IPO11: variants seen among roughly 807,000 people sequenced by gnomAD.
IPO11 encodes importin 11, also known as importin-11.
In IPO11, 66 loss-of-function variants were observed where a neutral mutation model predicts 143.2. That is an observed-to-expected ratio of 0.46 (90% CI 0.38 to 0.57). The LOEUF is 0.57. Ranked by LOEUF, IPO11 falls within the 20% of genes least tolerant of loss-of-function variation. The pLI, the probability that IPO11 is intolerant of heterozygous loss-of-function variation, is 0.00. For missense variants in IPO11, 1,026 were observed against 1,141.0 expected (o/e 0.90, Z 1.45); for synonymous variants, 385 against 377.8 (o/e 1.02, Z -0.22).
chr5:62,423,884 G>A (rs1743604387), intron 1 of IPO11, among the ~76,000 whole-genome samples: 1 of 152,056 alleles, frequency 6.6e-6, no homozygotes, highest in Non-Finnish European at 1.5e-5. Flanking sequence ...TTTCTTTCTT[G>A]TCTTTGGCAT....
chr5:62,484,070 C>T lies in IPO11; in HGVS notation c.1082C>T (p.Thr361Ile), dbSNP rs1230580124. The T allele has an allele frequency of 6.2e-7, 1 of 1,608,538 alleles. No individual in the cohort carries two copies. Among genetic ancestry groups the T allele is most frequent in the South Asian group, 1.1e-5 (1 of 90,192 alleles). The stretch of plus-strand genomic sequence containing the variant: ...AAGATGGCATTCTTCACATATCCTA[C>T]TTTGACAGAGATATGTAGAAGATTA... ...KIKMAFFTYPTLTEICRRLVS... is the reference protein window; with the variant it reads ...KIKMAFFTYPILTEICRRLVS... Residue 361 changes from threonine (T) to isoleucine (I), a missense_variant, in exon 11 of 30, where the codon ACT becomes ATT. By Grantham distance (89) the Thr-to-Ile change is moderately conservative (BLOSUM62 -1). Around this residue, in one of 5 missense-constraint regions of IPO11, gnomAD observed 429 missense variants for 456.3 expected, o/e 0.94. Transcript: ENST00000325324.
chr5:62,527,058 A>G (rs995545153), intron 21 of IPO11, among the ~76,000 whole-genome samples: 1 of 152,134 alleles, frequency 6.6e-6, no homozygotes, highest in Non-Finnish European at 1.5e-5. Flanking sequence ...GGTGCAAATT[A>G]TAAATAATGA....
At chr5:62,559,925 AAAAAAAAAAAAAAAAAAG>A (rs1407865016) in intron 26 of IPO11, among the ~76,000 whole-genome samples, 2 of 142,600 alleles carry the variant, frequency 1.4e-5, no homozygotes, top group Non-Finnish European at 3.1e-5. Flanking sequence ...TCAAAAAAAA[AAAAAAAAAAAAAAAAAAG>A]AGAGAGAAAA....
intron 1 of IPO11, among the ~76,000 whole-genome samples, chr5:62,436,849 C>G (rs545949534): frequency 2.0e-5 from 3 of 152,282 alleles, no homozygotes; most frequent in Middle Eastern, 3.4e-3. Context: ...CTGATTTTGT[C>G]AAGGATAAAG....
At position 62,467,267 on chromosome 5, in the gene IPO11, C is replaced by A. The variant is rs776903274; in HGVS notation, c.649+4C>A. On this transcript the variant is annotated splice_donor_region_variant and intron_variant, in intron 6 of 29. Transcript: ENST00000325324. ...CGAACACTGCTATCATTGAAAGGTA[C>A]TATTAAGCTTGATATGTTCATTTTT... is the stretch of plus-strand genomic sequence containing the variant. The A allele has an allele frequency of 1.2e-6, 2 of 1,609,510 alleles. No homozygotes were observed. The highest frequency in any genetic ancestry group is 1.7e-6 in the Non-Finnish European group (2 of 1,178,622).
Position 62,465,382 on chromosome 5 carries a change from A to G in IPO11, c.517-1749A>G, listed in dbSNP as rs986824390. 3.3e-5 allele frequency among the ~76,000 whole-genome samples: 5 copies of G among 152,348 alleles called. No individual in the cohort carries two copies. In the East Asian group the frequency reaches 9.6e-4, roughly 29 times the overall value. Reference sequence around the variant, plus strand: ...ACTAAGAAAAATACGAATTCATTTTATGGTTTACTGAAGTTATAAGTAAAG... The same window carrying G: ...ACTAAGAAAAATACGAATTCATTTTGTGGTTTACTGAAGTTATAAGTAAAG... On this transcript the variant is annotated intron_variant, in intron 5 of 29. Coordinates refer to ENST00000325324, the MANE Select transcript of IPO11 (RefSeq NM_016338.5).
At chr5:62,623,918 C>T (rs1381008062) in intron 29 of IPO11, among the ~76,000 whole-genome samples, 3 of 152,068 alleles carry the variant, frequency 2.0e-5, no homozygotes, top group South Asian at 2.1e-4. Flanking sequence ...CCACAATGCC[C>T]GGCCTTTTAT....
At chr5:62,553,351 T>A (rs908817277) in intron 26 of IPO11, among the ~76,000 whole-genome samples, 1 of 151,512 alleles carries the variant, frequency 6.6e-6, no homozygotes, top group Non-Finnish European at 1.5e-5. Context: ...TGTGTGTGTG[T>A]GTGTGTGTGT....
chr5:62,557,628 A>G (rs1467629480), intron 26 of IPO11, among the ~76,000 whole-genome samples: 1 of 152,248 alleles, frequency 6.6e-6, no homozygotes, highest in Non-Finnish European at 1.5e-5. Flanking sequence ...GAGCTAATCC[A>G]GATCTTACAA....
intron 27 of IPO11, among the ~76,000 whole-genome samples, chr5:62,570,687 A>G (rs568257758): frequency 1.3e-5 from 2 of 152,182 alleles, no homozygotes; most frequent in Non-Finnish European, 2.9e-5. Context: ...ATTTGATACT[A>G]CGTTCTCAAT....
chr5:62,450,981 A>G (rs1744904528), intron 4 of IPO11, among the ~76,000 whole-genome samples: 1 of 152,174 alleles, frequency 6.6e-6, no homozygotes, highest in Admixed American at 6.5e-5. Flanking sequence ...TTCTTGACAA[A>G]GGAGCTGAAG....
intron 6 of IPO11, among the ~76,000 whole-genome samples, chr5:62,467,478 A>T (rs1745612228): frequency 6.6e-6 from 1 of 152,158 alleles, no homozygotes; most frequent in Admixed American, 6.5e-5. Flanking sequence ...GTTGAAGTGG[A>T]TAGTTAGATT....
intron 27 of IPO11, among the ~76,000 whole-genome samples, chr5:62,563,652 AATTT>A (rs1167667519): frequency 6.6e-6 from 1 of 152,162 alleles, no homozygotes; most frequent in African/African-American, 2.4e-5. Flanking sequence ...CTAAATGTGA[AATTT>A]ATTTATATTT....
chr5:62,506,213 TTTTTA>T, intron 18 of IPO11, 23 bp from the exon 19 acceptor site: 1 of 1,296,212 alleles, frequency 7.7e-7, no homozygotes, highest in Non-Finnish European at 1.1e-6. Context: ...TTATAAACCT[TTTTTA>T]TTTTCTTTCT....
intron 26 of IPO11, among the ~76,000 whole-genome samples, chr5:62,551,854 G>A (rs988954815): frequency 8.5e-5 from 13 of 152,122 alleles, no homozygotes; most frequent in African/African-American, 2.4e-4. Context: ...GGCCAGGTGC[G>A]GTGGCTCACG....
rs1273105904 is a variant in IPO11 at position 62,530,686 on chromosome 5, AATC to A, written c.2013-19_2013-17del. 18 of 1,539,570 alleles carry A rather than the reference AATC, an allele frequency of 1.2e-5. No individual in the cohort carries two copies. Among genetic ancestry groups the A allele is most frequent in the Non-Finnish European group, 1.6e-5 (18 of 1,113,410 alleles). On this transcript the variant is annotated intron_variant, in intron 21 of 29. Coordinates refer to ENST00000325324, the MANE Select transcript of IPO11 (RefSeq NM_016338.5). Reference sequence around the variant, plus strand: ...CTTTAATGGGCATGGAAAGTGGTTTAATCATCTGTTTTTCCTTCCTAGGTTAGT... The same window carrying A: ...CTTTAATGGGCATGGAAAGTGGTTTAATCTGTTTTTCCTTCCTAGGTTAGT...
At chr5:62,430,983 C>G (rs1224843607) in intron 1 of IPO11, among the ~76,000 whole-genome samples, 1 of 150,482 alleles carries the variant, frequency 6.6e-6, no homozygotes, top group African/African-American at 2.4e-5. Context: ...CGTGCCTGGC[C>G]TTATTTTATT....
intron 27 of IPO11, among the ~76,000 whole-genome samples, chr5:62,568,648 G>A (rs1744038424): frequency 6.8e-6 from 1 of 146,662 alleles, no homozygotes; most frequent in Non-Finnish European, 1.5e-5. Context: ...GATTTTCTGT[G>A]TTTTCTCGAA....
intron 29 of IPO11, among the ~76,000 whole-genome samples, chr5:62,620,018 A>G (rs1746288256): frequency 6.6e-6 from 1 of 152,120 alleles, no homozygotes; most frequent in African/African-American, 2.4e-5. Flanking sequence ...GTGGGTCTTG[A>G]AATCCGCAGT....
Sources: gnomAD v4.1 joint callset for allele counts (sites outside exome capture counted in the v4.1 genomes callset) on GRCh38, gnomAD v4.1.1 for gene constraint, gnomAD v4.1.1 regional missense constraint, MANE v1.5 for transcripts, NCBI Gene and HGNC (gene_info 2026-07-23, HGNC 2026-07-21) for gene names.